The following ROBO2 variants were observed in gnomAD, a reference collection of about 807,000 sequenced individuals.
The protein encoded by ROBO2 is roundabout guidance receptor 2, also known as roundabout homolog 2.
A neutral mutation model predicts 160.8 loss-of-function variants in ROBO2; 53 were observed. The observed-to-expected ratio is 0.33, with a 90% CI of 0.26 to 0.41. The LOEUF is 0.41. Among genes scored for constraint, ROBO2 ranks in the 10% least tolerant of loss-of-function variants. ROBO2 has a pLI of 1.00. For missense variants in ROBO2, 1,577 were observed against 1,722.4 expected (o/e 0.92, Z 1.49); for synonymous variants, 664 against 611.7 (o/e 1.09, Z -1.26).
chr3:76,203,163 T>G (rs1342194472), intron 2 of ROBO2, among the ~76,000 whole-genome samples: 1 of 152,138 alleles, frequency 6.6e-6, no homozygotes, highest in African/African-American at 2.4e-5. Flanking sequence ...CCCCCCCAGA[T>G]CCACACTGCT....
At chr3:77,378,364 T>TG (rs2072975004) in intron 2 of ROBO2, among the ~76,000 whole-genome samples, 1 of 152,116 alleles carries the variant, frequency 6.6e-6, no homozygotes, top group African/African-American at 2.4e-5. Context: ...TTTTATAGAA[T>TG]GGGGGAACTG....
At chr3:76,636,158 T>C (rs1283555370) in intron 2 of ROBO2, among the ~76,000 whole-genome samples, 2 of 152,202 alleles carry the variant, frequency 1.3e-5, no homozygotes. Flanking sequence ...CCTCATTCTC[T>C]CCTACTAAAC....
intron 2 of ROBO2, among the ~76,000 whole-genome samples, chr3:76,105,132 A>T (rs2069864229): frequency 6.6e-6 from 1 of 152,070 alleles, no homozygotes. Context: ...TTTTAATGGG[A>T]AAAATTTCAT....
chr3:76,440,749 TG>T (rs1474070329), intron 2 of ROBO2, among the ~76,000 whole-genome samples: 3 of 152,072 alleles, frequency 2.0e-5, no homozygotes, highest in Non-Finnish European at 4.4e-5. Flanking sequence ...GGGCCAAGTG[TG>T]CCTCCATACC....
intron 2 of ROBO2, among the ~76,000 whole-genome samples, chr3:76,923,106 T>C (rs956085550): frequency 3.3e-5 from 5 of 152,186 alleles, no homozygotes; most frequent in Non-Finnish European, 1.5e-5. Context: ...GCAGAGTATA[T>C]GGGCTCCATT....
At chr3:77,544,638 C>G (rs773632654) in intron 6 of ROBO2, among the ~76,000 whole-genome samples, 5 of 152,044 alleles carry the variant, frequency 3.3e-5, no homozygotes, top group Non-Finnish European at 7.4e-5. Flanking sequence ...TACGTTTACC[C>G]CATTCTTGGA....
At chr3:76,552,753 AG>A (rs1211610847) in intron 2 of ROBO2, among the ~76,000 whole-genome samples, 65 of 152,224 alleles carry the variant, frequency 4.3e-4, no homozygotes, top group Non-Finnish European at 1.6e-4. Flanking sequence ...TTTAACCTGA[AG>A]GATGAGACAG....
intron 2 of ROBO2, among the ~76,000 whole-genome samples, chr3:77,463,350 T>C (rs934366365): frequency 6.6e-6 from 1 of 152,164 alleles, no homozygotes; most frequent in Non-Finnish European, 1.5e-5. Context: ...GGGCAAAATT[T>C]ATACTTTTAG....
At chr3:77,322,593 G>A (rs957396585) in intron 2 of ROBO2, among the ~76,000 whole-genome samples, 15 of 151,462 alleles carry the variant, frequency 9.9e-5, no homozygotes, top group Non-Finnish European at 1.6e-4. Flanking sequence ...TAAGGAAATG[G>A]GATGTCAGGA....
intron 2 of ROBO2, among the ~76,000 whole-genome samples, chr3:76,677,643 C>T (rs80041128): frequency 0.028 from 4,248 of 152,144 alleles, 204 homozygotes; most frequent in African/African-American, 0.092. Flanking sequence ...ATCTCTTCTT[C>T]ATAAAGTAAT....
At chr3:76,554,513 C>G (rs933916312) in intron 2 of ROBO2, among the ~76,000 whole-genome samples, 1 of 152,064 alleles carries the variant, frequency 6.6e-6, no homozygotes, top group Non-Finnish European at 1.5e-5. Context: ...GATGTCTTAC[C>G]ACTCCCTGCT....
chr3:76,752,265 A>T (rs1157954691), intron 2 of ROBO2, among the ~76,000 whole-genome samples: 2 of 151,492 alleles, frequency 1.3e-5, no homozygotes, highest in African/African-American at 4.8e-5. Flanking sequence ...AAGGTGGGGA[A>T]CATCACACAC....
chr3:76,681,424 A>G (rs996202661), intron 2 of ROBO2, among the ~76,000 whole-genome samples: 3 of 152,058 alleles, frequency 2.0e-5, no homozygotes, highest in Admixed American at 1.3e-4. Context: ...TGAAGTTCAT[A>G]GTGTTATCAT....
chr3:76,354,260 G>A (rs964783462), intron 2 of ROBO2, among the ~76,000 whole-genome samples: 1 of 151,278 alleles, frequency 6.6e-6, no homozygotes, highest in African/African-American at 2.4e-5. Context: ...TCTGTTCTTA[G>A]TAAGAAGAAA....
At chr3:76,919,106 G>T (rs968610646) in intron 2 of ROBO2, among the ~76,000 whole-genome samples, 1 of 151,962 alleles carries the variant, frequency 6.6e-6, no homozygotes, top group Non-Finnish European at 1.5e-5. Context: ...TAGGTGATGG[G>T]TTGATAGGTA....
intron 1 of ROBO2, among the ~76,000 whole-genome samples, chr3:77,063,834 G>C (rs1436375032): frequency 1.3e-5 from 2 of 152,164 alleles, no homozygotes; most frequent in Non-Finnish European, 2.9e-5. Context: ...CATCAATAGA[G>C]GGTGCAAATT....
intron 2 of ROBO2, among the ~76,000 whole-genome samples, chr3:76,614,479 A>G (rs902385318): frequency 1.3e-5 from 2 of 152,096 alleles, no homozygotes. Flanking sequence ...ACTACATAGA[A>G]GACAAACCAT....
At chr3:76,297,177 T>C (rs1709117317) in intron 2 of ROBO2, among the ~76,000 whole-genome samples, 1 of 152,212 alleles carries the variant, frequency 6.6e-6, no homozygotes. Flanking sequence ...TCTAATGTTA[T>C]GGAGAAAATG....
At chr3:76,208,788 G>A (rs577325014) in intron 2 of ROBO2, among the ~76,000 whole-genome samples, 3 of 152,144 alleles carry the variant, frequency 2.0e-5, no homozygotes, top group South Asian at 2.1e-4. Context: ...TATAATCCCC[G>A]GGTCTGGGGG....
Sources: gnomAD v4.1 joint callset for allele counts (sites outside exome capture counted in the v4.1 genomes callset) on GRCh38, gnomAD v4.1.1 for gene constraint, MANE v1.5 for transcripts, NCBI Gene and HGNC (gene_info 2026-07-23, HGNC 2026-07-21) for gene names.